Variants in GLYAT observed in about 807,000 individuals in gnomAD.
The protein encoded by GLYAT is glycine-N-acyltransferase.
Under a neutral mutation model 22.8 loss-of-function variants are expected in GLYAT, and 25 were observed. That is an observed-to-expected ratio of 1.09 (90% CI 0.80 to 1.53). The LOEUF is 1.53. Ranked by LOEUF, GLYAT falls within the 40% of genes most tolerant of loss-of-function variation. GLYAT has a pLI of 0.00. For synonymous variants in GLYAT, 140 were observed against 122.7 expected (o/e 1.14, Z -0.93); for missense variants, 411 against 353.9 (o/e 1.16, Z -1.29).
At chr11:58,716,437 A>C (rs555892315) in intron 2 of GLYAT, among the ~76,000 whole-genome samples, 2 of 152,186 alleles carry the variant, frequency 1.3e-5, no homozygotes, top group East Asian at 3.9e-4. Flanking sequence ...AAGGTGAAAA[A>C]AACTCTAAAT....
chr11:58,720,386 T>C (rs1484164680), intron 2 of GLYAT, among the ~76,000 whole-genome samples: 1 of 152,056 alleles, frequency 6.6e-6, no homozygotes, highest in Non-Finnish European at 1.5e-5. Context: ...GGATTATTTA[T>C]GAAAACTGTG....
rs1590668942 is a variant in GLYAT at position 58,715,428 on chromosome 11, A to C, written c.82-5T>G. 1.0e-5 allele frequency: 14 copies of C among 1,358,012 alleles called. No individual in the cohort carries two copies. In the East Asian group the frequency reaches 3.2e-4, roughly 31 times the overall value. 84.1% of individuals were successfully genotyped at this position (1,358,012 alleles called of 1,614,324 possible). ...GTGAAAGACAGTTCCATAAACCTGC[A>C]GGATCCCAAGAAATTGACAGGGTTG... On this transcript the variant is annotated splice_polypyrimidine_tract_variant and splice_region_variant and intron_variant, in intron 2 of 5. Coordinates refer to ENST00000344743, the MANE Select transcript of GLYAT (RefSeq NM_201648.3).
intron 2 of GLYAT, among the ~76,000 whole-genome samples, chr11:58,723,791 T>TTA (rs1041794105): frequency 1.1e-4 from 17 of 151,396 alleles, no homozygotes; most frequent in Middle Eastern, 3.4e-3. Context: ...ATATATCCAT[T>TTA]TATATATATA....
intron 1 of GLYAT, among the ~76,000 whole-genome samples, chr11:58,729,988 T>C (rs1856855311): frequency 6.6e-6 from 1 of 152,160 alleles, no homozygotes; most frequent in Admixed American, 6.5e-5. Context: ...CAAAGAGGTA[T>C]GGCTCTCATG....
intron 2 of GLYAT, among the ~76,000 whole-genome samples, chr11:58,722,267 C>T (rs1856759700): frequency 6.6e-6 from 1 of 152,018 alleles, no homozygotes; most frequent in South Asian, 2.1e-4. Flanking sequence ...TTACCAAAAT[C>T]TAAACCCCAA....
At chr11:58,729,770 A>G (rs1243234406) in intron 1 of GLYAT, among the ~76,000 whole-genome samples, 1 of 152,172 alleles carries the variant, frequency 6.6e-6, no homozygotes, top group Non-Finnish European at 1.5e-5. Flanking sequence ...AAAACTCCAG[A>G]CCATATCTCA....
intron 4 of GLYAT, 56 bp downstream of exon 4, chr11:58,712,704 A>C: frequency 1.3e-6 from 2 of 1,534,162 alleles, no homozygotes; most frequent in Non-Finnish European, 1.8e-6. Flanking sequence ...AAGTCATATG[A>C]AAACTTGCTC....
At chr11:58,725,706 T>C (rs1856804474) in intron 1 of GLYAT, among the ~76,000 whole-genome samples, 1 of 151,924 alleles carries the variant, frequency 6.6e-6, no homozygotes, top group Non-Finnish European at 1.5e-5. Flanking sequence ...AGAAGTAAAG[T>C]GCATTTGGAA....
intron 3 of GLYAT, among the ~76,000 whole-genome samples, chr11:58,714,847 A>G (rs1007873389): frequency 4.6e-5 from 7 of 152,136 alleles, no homozygotes; most frequent in African/African-American, 1.2e-4. Context: ...CCTGTCTCAC[A>G]TATGTCTTTA....
At chr11:58,713,984 A>G (rs1457635678) in intron 3 of GLYAT, among the ~76,000 whole-genome samples, 1 of 152,174 alleles carries the variant, frequency 6.6e-6, no homozygotes, top group Non-Finnish European at 1.5e-5. Context: ...AAATGGCTAA[A>G]TCAGGGTAAT....
intron 2 of GLYAT, among the ~76,000 whole-genome samples, chr11:58,720,633 C>G (rs2134489652): frequency 6.6e-6 from 1 of 152,050 alleles, no homozygotes; most frequent in South Asian, 2.1e-4. Flanking sequence ...ACCAGACTGC[C>G]TAAACCCACA....
intron 4 of GLYAT, among the ~76,000 whole-genome samples, chr11:58,711,918 A>G (rs1856621104): frequency 6.6e-6 from 1 of 152,218 alleles, no homozygotes; most frequent in African/African-American, 2.4e-5. Flanking sequence ...AATACCATTA[A>G]GATAGGCCTG....
At chr11:58,716,115 T>C (rs1391167635) in intron 2 of GLYAT, among the ~76,000 whole-genome samples, 1 of 152,084 alleles carries the variant, frequency 6.6e-6, no homozygotes, top group African/African-American at 2.4e-5. Flanking sequence ...TCCCCACCCT[T>C]GCCCTGTTGG....
At chr11:58,729,254 C>G (rs1205823452) in intron 1 of GLYAT, among the ~76,000 whole-genome samples, 3 of 152,134 alleles carry the variant, frequency 2.0e-5, no homozygotes, top group African/African-American at 7.2e-5. Flanking sequence ...TCCACTTACC[C>G]CTTCAAGTTT....
chr11:58,714,478 TAGA>T (rs1201239865), intron 3 of GLYAT, among the ~76,000 whole-genome samples: 1 of 152,188 alleles, frequency 6.6e-6, no homozygotes, highest in African/African-American at 2.4e-5. Context: ...CAAATGTGTA[TAGA>T]AGTTCTATCA....
chr11:58,708,853 T>TA lies in GLYAT; in HGVS notation c.*912dup, dbSNP rs1433967707. On this transcript the variant is annotated 3_prime_UTR_variant, in exon 6 of 6. Coordinates refer to ENST00000344743, the MANE Select transcript of GLYAT (RefSeq NM_201648.3). ...AATTACCCAGTCTCAGGTATTTTGT[T>TA]ACAGCAGGAACAAACTGAGATTAGT... 1 of 152,198 alleles carries TA rather than the reference T, an allele frequency of 6.6e-6. No homozygotes were observed. The highest frequency in any genetic ancestry group is 1.5e-5 in the Non-Finnish European group (1 of 68,024). The allele number at this position is 152,198 out of a possible 1,614,324, so 9.4% of individuals were successfully genotyped here.
intron 1 of GLYAT, among the ~76,000 whole-genome samples, chr11:58,727,710 C>G (rs1415274277): frequency 6.6e-6 from 1 of 152,098 alleles, no homozygotes. Context: ...CAAGTGGGCT[C>G]AAGCATGTGC....
chr11:58,714,193 A>C (rs1856651187), intron 3 of GLYAT, among the ~76,000 whole-genome samples: 1 of 152,140 alleles, frequency 6.6e-6, no homozygotes, highest in African/African-American at 2.4e-5. Flanking sequence ...TTGTTAGTCA[A>C]AAGATATGAA....
At position 58,712,264 on chromosome 11, in the gene GLYAT, CCTCATTTTTATATATGAGGAACATAAT is replaced by C. The variant is rs933554247; in HGVS notation, c.316+469_316+495del. On this transcript the variant is annotated intron_variant, in intron 4 of 5. Coordinates refer to ENST00000344743, the MANE Select transcript of GLYAT (RefSeq NM_201648.3). Reference sequence around the variant, plus strand: ...CTTGTGTTTTAGGTAACATTATTTTCCTCATTTTTATATATGAGGAACATAATCTCAGAGAGATTAAATCACTTAACT... The same window carrying C: ...CTTGTGTTTTAGGTAACATTATTTTCCTCAGAGAGATTAAATCACTTAACT... Among the ~76,000 whole-genome samples the C allele has an allele frequency of 6.6e-5, 10 of 152,146 alleles. 1 individual carries two copies. Among genetic ancestry groups the C allele is most frequent in the Middle Eastern group, 6.3e-3 (2 of 316 alleles).
Sources: allele counts gnomAD v4.1 joint callset (sites outside exome capture counted in the v4.1 genomes callset), GRCh38; gene constraint gnomAD v4.1.1; transcripts MANE v1.5; gene names NCBI Gene and HGNC (gene_info 2026-07-23, HGNC 2026-07-21).